The following CHST1 variants were observed in gnomAD, a reference collection of about 807,000 sequenced individuals.
CHST1 encodes the protein carbohydrate sulfotransferase 1, also known as Keratan sulfotransferase.
CHST1 carries 10 observed loss-of-function variants against 22.5 expected under a neutral mutation model. The observed-to-expected ratio is 0.44, with a 90% CI of 0.27 to 0.75. The LOEUF is 0.75. CHST1 is among the 30% of genes least tolerant of loss of function. The pLI is 0.15. For missense variants in CHST1, 439 were observed against 576.1 expected (o/e 0.76, Z 2.44); for synonymous variants, 267 against 264.5 (o/e 1.01, Z -0.09).
chr11:45,651,516 GGACAACTGT>G (rs1176693566), intron 3 of CHST1: 22 of 152,674 alleles, frequency 1.4e-4, no homozygotes, highest in African/African-American at 4.8e-4. Context: ...CAGGCAAGGT[GGACAACTGT>G]GTCAAGCCCC....
At position 45,648,491 on chromosome 11, in the gene CHST1, T is replaced by C. The variant is rs1415511880; in HGVS notation, c.*1197A>G. ...AGAGCTCAGGAGTTCGCGACCAGCC[T>C]GGACAACACGGTGAAACCCCGTCTC... On this transcript the variant is annotated 3_prime_UTR_variant, in exon 4 of 4. Transcript: ENST00000308064. Among the ~76,000 whole-genome samples, 2 of 148,008 alleles carry C rather than the reference T, an allele frequency of 1.4e-5. No homozygotes were observed. The highest frequency in any genetic ancestry group is 4.0e-4 in the East Asian group (2 of 5,054).
chr11:45,654,948 A>T (rs535919074), intron 1 of CHST1, among the ~76,000 whole-genome samples: 2 of 152,288 alleles, frequency 1.3e-5, no homozygotes, highest in East Asian at 1.9e-4. Flanking sequence ...TGGGTGATTC[A>T]CCAGCTGTCC....
intron 3 of CHST1, chr11:45,651,272 C>G (rs768944000): frequency 4.9e-4 from 99 of 203,682 alleles, no homozygotes; most frequent in Non-Finnish European, 8.3e-4. Context: ...CCTGACTCCC[C>G]CTACTCCCAC....
intron 1 of CHST1, among the ~76,000 whole-genome samples, chr11:45,658,860 G>A (rs963745937): frequency 1.3e-5 from 2 of 151,960 alleles, no homozygotes; most frequent in African/African-American, 4.8e-5. Context: ...CCTGGACACC[G>A]GGGCTCCGGC....
At chr11:45,653,485 G>C (rs1852024737) in intron 1 of CHST1, among the ~76,000 whole-genome samples, 1 of 151,940 alleles carries the variant, frequency 6.6e-6, no homozygotes, top group Non-Finnish European at 1.5e-5. Context: ...CCATCATGGG[G>C]CTGGGCCAGG....
intron 1 of CHST1, among the ~76,000 whole-genome samples, chr11:45,656,463 A>C (rs1852063655): frequency 6.6e-6 from 1 of 152,234 alleles, no homozygotes; most frequent in African/African-American, 2.4e-5. Flanking sequence ...GGAGGTGGAC[A>C]TGTATATTTG....
rs1417918888 is a variant in CHST1, at chr11:45,649,957, G to A, written c.967C>T (p.Pro323Ser). 1.2e-6 allele frequency: 2 copies of A among 1,613,650 alleles called. No individual in the cohort carries two copies. Among genetic ancestry groups the A allele is most frequent in the Non-Finnish European group, 1.7e-6 (2 of 1,180,020 alleles). ...TEEIYGFLGIPLDSHVARWIQ... is the reference protein window; with the variant it reads ...TEEIYGFLGISLDSHVARWIQ... Reference sequence around the variant, plus strand: ...CAGCGGGCCACGTGGCTGTCCAGCGGGATGCCCAGGAACCCGTAGATCTCC... The same window carrying A: ...CAGCGGGCCACGTGGCTGTCCAGCGAGATGCCCAGGAACCCGTAGATCTCC... Residue 323 changes from proline (P) to serine (S), a missense_variant, in exon 4 of 4, where the codon CCG becomes TCG. Coordinates refer to ENST00000308064, the MANE Select transcript of CHST1 (RefSeq NM_003654.6).
intron 1 of CHST1, among the ~76,000 whole-genome samples, chr11:45,658,541 T>TCCTG (rs1198573381): frequency 1.3e-5 from 2 of 152,078 alleles, no homozygotes; most frequent in East Asian, 3.9e-4. Context: ...GCACCTCACA[T>TCCTG]CCTGCCGTGG....
chr11:45,661,888 C>T (rs754646793), intron 1 of CHST1, among the ~76,000 whole-genome samples: 4 of 152,200 alleles, frequency 2.6e-5, no homozygotes, highest in Non-Finnish European at 5.9e-5. Flanking sequence ...TCTCCCCTAG[C>T]TGCACTCCTC....
chr11:45,662,419 C>G (rs1217054765), intron 1 of CHST1, among the ~76,000 whole-genome samples: 1 of 152,210 alleles, frequency 6.6e-6, no homozygotes, highest in Non-Finnish European at 1.5e-5. Context: ...CCCTCAGGAA[C>G]CTGAAACAAA....
Position 45,649,400 on chromosome 11 carries a change from T to C in CHST1, c.*288A>G, listed in dbSNP as rs1220395473. On this transcript the variant is annotated 3_prime_UTR_variant, in exon 4 of 4. Coordinates refer to ENST00000308064, the MANE Select transcript of CHST1 (RefSeq NM_003654.6). ...TGTGTGGATGTGTAAATGTGGTGCTTGTAAACATTGTCACCGTCCGCACAG... is the reference window on the plus strand; with the variant it reads ...TGTGTGGATGTGTAAATGTGGTGCTCGTAAACATTGTCACCGTCCGCACAG... 2.3e-6 allele frequency: 1 copy of C among 442,228 alleles called. No individual in the cohort carries two copies. Among genetic ancestry groups the C allele is most frequent in the Non-Finnish European group, 4.0e-6 (1 of 250,932 alleles). 27.4% of individuals were successfully genotyped at this position (442,228 alleles called of 1,614,324 possible). A position where few individuals can be genotyped will look rare whatever the true frequency, so the allele number is the denominator to read the frequency against.
Position 45,653,939 on chromosome 11 carries a change from C to T in CHST1, c.-226-1333G>A, listed in dbSNP as rs537692663. Among the ~76,000 whole-genome samples the T allele has an allele frequency of 2.6e-5, 4 of 152,310 alleles. No individual in the cohort carries two copies. In the South Asian group the frequency reaches 8.3e-4, roughly 32 times the overall value. On this transcript the variant is annotated intron_variant, in intron 1 of 3. Coordinates refer to ENST00000308064, the MANE Select transcript of CHST1 (RefSeq NM_003654.6). The stretch of plus-strand genomic sequence containing the variant: ...GCTGAGGCCCTTCAAGGTTAGATAA[C>T]TTCCCCAAGCTCACACCCATAATAA...
chr11:45,649,856 C>G lies in CHST1; in HGVS notation c.1068G>C (p.Thr356=). 1 of 1,611,028 alleles carries G rather than the reference C, an allele frequency of 6.2e-7. No individual in the cohort carries two copies. The highest frequency in any genetic ancestry group is 8.5e-7 in the Non-Finnish European group (1 of 1,179,956). ...KYGTVRNSAA[T]AEKWRFRLSY... is the part of the protein sequence containing the mutation. Reference sequence around the variant, plus strand: ...AGAGGCGGAAGCGCCACTTCTCGGCCGTGGCCGCCGAGTTTCGCACGGTGC... The same window carrying G: ...AGAGGCGGAAGCGCCACTTCTCGGCGGTGGCCGCCGAGTTTCGCACGGTGC... Residue 356 remains threonine, a synonymous_variant, in exon 4 of 4, where the codon ACG becomes ACC. Coordinates refer to ENST00000308064, the MANE Select transcript of CHST1 (RefSeq NM_003654.6).
In CHST1 at chr11:45,662,768, G is replaced by A. The variant is rs1050238658; in HGVS notation, c.-227+2410C>T. Among the ~76,000 whole-genome samples the A allele has an allele frequency of 2.6e-5, 4 of 152,270 alleles. No individual in the cohort carries two copies. The South Asian group carries it at 8.3e-4, about 31-fold the overall frequency. Reference sequence around the variant, plus strand: ...CAGGGAGAGGTAGCCATGAGCCCGGGCACCTAGCCAGAAGGTCCGTGGGAG... The same window carrying A: ...CAGGGAGAGGTAGCCATGAGCCCGGACACCTAGCCAGAAGGTCCGTGGGAG... On this transcript the variant is annotated intron_variant, in intron 1 of 3. Coordinates refer to ENST00000308064, the MANE Select transcript of CHST1 (RefSeq NM_003654.6).
intron 1 of CHST1, among the ~76,000 whole-genome samples, chr11:45,658,858 C>G (rs1370454562): frequency 1.3e-5 from 2 of 152,112 alleles, no homozygotes; most frequent in Non-Finnish European, 2.9e-5. Context: ...CCCCTGGACA[C>G]CGGGGCTCCG....
chr11:45,654,765 A>T (rs45598432), intron 1 of CHST1, among the ~76,000 whole-genome samples: 4 of 152,214 alleles, frequency 2.6e-5, no homozygotes, highest in Non-Finnish European at 5.9e-5. Context: ...GAAAGCAGGC[A>T]AGTTGGTGAG....
Position 45,649,819 on chromosome 11 carries a change from C to G in CHST1, c.1105G>C (p.Val369Leu), listed in dbSNP as rs559580840. ...TGGCAGGCGTTCTGGGCAAAGGCCA[C>G]GATGTCGTAGGAGAGGCGGAAGCGC... is the stretch of plus-strand genomic sequence containing the variant. ...KWRFRLSYDI[V>L]AFAQNACQQV... Residue 369 changes from valine to leucine, a missense_variant, in exon 4 of 4, where the codon GTG (valine) becomes CTG (leucine). By Grantham distance (32) the Val-to-Leu change is conservative. Transcript: ENST00000308064. 1.2e-6 allele frequency: 2 copies of G among 1,611,764 alleles called. No homozygotes were observed. Among genetic ancestry groups the G allele is most frequent in the Admixed American group, 1.7e-5 (1 of 60,018 alleles).
chr11:45,650,668 C>T lies in CHST1; in HGVS notation c.256G>A (p.Val86Ile). 1.2e-6 allele frequency: 2 copies of T among 1,614,126 alleles called. No homozygotes were observed. The highest frequency in any genetic ancestry group is 1.1e-5 in the South Asian group (1 of 91,086). ...TAGAGGGGCTCAAACAGGTAGAAGA[C>T]GTCCAGGTGCTGGTTGAAGAGCTGG... ...VGQLFNQHLD[V>I]FYLFEPLYHV... Residue 86 changes from valine (V) to isoleucine (I), a missense_variant, in exon 4 of 4, where the codon GTC (valine) becomes ATC (isoleucine). Coordinates refer to ENST00000308064, the MANE Select transcript of CHST1 (RefSeq NM_003654.6).
intron 1 of CHST1, among the ~76,000 whole-genome samples, chr11:45,660,773 C>T (rs1209228892): frequency 1.3e-5 from 2 of 152,198 alleles, no homozygotes; most frequent in African/African-American, 4.8e-5. Context: ...CCCAAGTGCC[C>T]AGCTTGGGGC....
Sources: gnomAD v4.1 joint callset for allele counts (sites outside exome capture counted in the v4.1 genomes callset) on GRCh38, gnomAD v4.1.1 for gene constraint, MANE v1.5 for transcripts, NCBI Gene and HGNC (gene_info 2026-07-23, HGNC 2026-07-21) for gene names.